The following CAMK2D variants were observed in gnomAD, a reference collection of about 807,000 sequenced individuals.
CAMK2D encodes the protein calcium/calmodulin dependent protein kinase II delta.
In CAMK2D, 37 loss-of-function variants were observed where a neutral mutation model predicts 84.0. The ratio of observed to expected loss-of-function variants is 0.44; its 90% CI spans 0.34 to 0.58. CAMK2D has a LOEUF of 0.58. Among genes scored for constraint, CAMK2D ranks in the 20% least tolerant of loss-of-function variants. CAMK2D has a pLI of 0.02. For synonymous variants in CAMK2D, 202 were observed against 212.5 expected, an observed-to-expected ratio of 0.95 and a Z score of 0.43; for missense variants, 448 against 652.5, an observed-to-expected ratio of 0.69 and a Z score of 3.41.
chr4:113,654,089 C>T (rs79715841), intron 3 of CAMK2D, among the ~76,000 whole-genome samples: 6,710 of 152,026 alleles, frequency 0.044, 471 homozygotes, highest in African/African-American at 0.15. Flanking sequence ...AGAAACACTA[C>T]GTGCTAAACG....
At chr4:113,531,325 C>T (rs762666920) in intron 7 of CAMK2D, 26 bp from the exon 8 acceptor site, 4 of 1,194,386 alleles carry the variant, frequency 3.3e-6, no homozygotes, top group Non-Finnish European at 2.5e-6. Flanking sequence ...GTTAATGAGT[C>T]ACAGTTGATT....
intron 4 of CAMK2D, among the ~76,000 whole-genome samples, chr4:113,599,642 T>C (rs1056701507): frequency 3.3e-5 from 5 of 152,158 alleles, no homozygotes; most frequent in Non-Finnish European, 7.4e-5. Flanking sequence ...TCCCCACAAA[T>C]TTAACTACTA....
At chr4:113,509,794 G>A in intron 12 of CAMK2D, 119 bp from the exon 13 acceptor site, 1 of 702,176 alleles carries the variant, frequency 1.4e-6, no homozygotes, top group Non-Finnish European at 2.5e-6. Flanking sequence ...GCCAACATAT[G>A]GCAAGTTATC....
At chr4:113,538,404 T>C (rs2098507888) in intron 6 of CAMK2D, among the ~76,000 whole-genome samples, 1 of 152,102 alleles carries the variant, frequency 6.6e-6, no homozygotes, top group Non-Finnish European at 1.5e-5. Context: ...CTGATTAATA[T>C]ATACAGTTAA....
chr4:113,704,811 A>G (rs1009690919), intron 2 of CAMK2D, among the ~76,000 whole-genome samples: 5 of 152,218 alleles, frequency 3.3e-5, no homozygotes, highest in African/African-American at 7.2e-5. Context: ...CTGAAATTAA[A>G]TGACCAAGAA....
At chr4:113,506,804 T>C (rs2098133165) in intron 13 of CAMK2D, among the ~76,000 whole-genome samples, 1 of 152,200 alleles carries the variant, frequency 6.6e-6, no homozygotes, top group South Asian at 2.1e-4. Flanking sequence ...TTTTCTAGGA[T>C]GTGGTTGCCA....
intron 4 of CAMK2D, among the ~76,000 whole-genome samples, chr4:113,593,643 G>A (rs1266341282): frequency 6.6e-6 from 1 of 152,172 alleles, no homozygotes; most frequent in African/African-American, 2.4e-5. Context: ...TTGAAATATG[G>A]CAGAGAATGC....
At chr4:113,689,080 T>TA (rs1178812735) in intron 2 of CAMK2D, among the ~76,000 whole-genome samples, 1 of 151,288 alleles carries the variant, frequency 6.6e-6, no homozygotes, top group Non-Finnish European at 1.5e-5. Flanking sequence ...CCATCTCTAC[T>TA]AAAAAAATAC....
intron 2 of CAMK2D, among the ~76,000 whole-genome samples, chr4:113,669,102 T>C: frequency 6.6e-6 from 1 of 152,184 alleles, no homozygotes; most frequent in East Asian, 1.9e-4. Context: ...ATATATGTTA[T>C]TTAAAAATGC....
intron 4 of CAMK2D, among the ~76,000 whole-genome samples, chr4:113,564,428 A>T (rs1357767885): frequency 1.3e-5 from 2 of 152,206 alleles, no homozygotes; most frequent in Non-Finnish European, 2.9e-5. Flanking sequence ...TTCAAGAAAG[A>T]GCCCAAGTTT....
chr4:113,548,851 A>C (rs1043192876), intron 5 of CAMK2D: 4 of 563,902 alleles, frequency 7.1e-6, no homozygotes, highest in Non-Finnish European at 1.2e-5. Context: ...ATATTTCTTC[A>C]CTTTTTTTAG....
intron 2 of CAMK2D, among the ~76,000 whole-genome samples, chr4:113,744,075 C>T (rs1316336730): frequency 1.3e-5 from 2 of 151,984 alleles, no homozygotes; most frequent in Non-Finnish European, 1.5e-5. Context: ...CTCCTGACCT[C>T]GCGATCCGCC....
intron 2 of CAMK2D, among the ~76,000 whole-genome samples, chr4:113,670,823 G>C (rs1183054136): frequency 6.6e-6 from 1 of 151,864 alleles, no homozygotes; most frequent in Non-Finnish European, 1.5e-5. Flanking sequence ...GGCTACTCGG[G>C]AGGCTGAGGC....
chr4:113,748,690 TA>T (rs2099610299), intron 2 of CAMK2D, among the ~76,000 whole-genome samples: 1 of 152,166 alleles, frequency 6.6e-6, no homozygotes, highest in South Asian at 2.1e-4. Context: ...AAGCAGGACA[TA>T]AAATTGTAAT....
intron 2 of CAMK2D, among the ~76,000 whole-genome samples, chr4:113,748,792 C>T (rs1018481070): frequency 1.3e-5 from 2 of 151,918 alleles, no homozygotes; most frequent in African/African-American, 4.8e-5. Context: ...GTCTTTCCCT[C>T]ATTCTATTTT....
intron 3 of CAMK2D, among the ~76,000 whole-genome samples, chr4:113,627,111 T>C (rs913958186): frequency 6.6e-6 from 1 of 152,276 alleles, no homozygotes; most frequent in South Asian, 2.1e-4. Context: ...AATCATTGAC[T>C]GTCCTATGAT....
intron 2 of CAMK2D, among the ~76,000 whole-genome samples, chr4:113,691,006 G>A (rs1245605323): frequency 6.6e-6 from 1 of 152,120 alleles, no homozygotes; most frequent in South Asian, 2.1e-4. Flanking sequence ...CACTAAAGAA[G>A]TAATTACAAG....
intron 12 of CAMK2D, 56 bp downstream of exon 12, chr4:113,513,272 G>T: frequency 1.3e-6 from 2 of 1,578,252 alleles, no homozygotes; most frequent in Non-Finnish European, 1.7e-6. Context: ...CAAAAAAACA[G>T]AGACTACTTA....
At chr4:113,669,889 G>A (rs908408551) in intron 2 of CAMK2D, among the ~76,000 whole-genome samples, 6 of 152,164 alleles carry the variant, frequency 3.9e-5, no homozygotes, top group Non-Finnish European at 8.8e-5. Flanking sequence ...GTCAAGACCT[G>A]TCCAAAGGAG....
Sources: allele counts gnomAD v4.1 joint callset (sites outside exome capture counted in the v4.1 genomes callset), GRCh38; gene constraint gnomAD v4.1.1; transcripts MANE v1.5; gene names NCBI Gene and HGNC (gene_info 2026-07-23, HGNC 2026-07-21).